Variants in ZNF518B observed in about 807,000 individuals in gnomAD.
The protein encoded by ZNF518B is zinc finger protein 518B.
Under a neutral mutation model 56.3 loss-of-function variants are expected in ZNF518B, and 23 were observed. The observed-to-expected ratio is 0.41, with a 90% CI of 0.29 to 0.58. ZNF518B has a LOEUF of 0.58. ZNF518B is among the 20% of genes least tolerant of loss of function. ZNF518B has a pLI of 0.32. For synonymous variants in ZNF518B, 529 were observed against 465.9 expected, an observed-to-expected ratio of 1.14 and a Z score of -1.74; for missense variants, 1,460 against 1,272.1, an observed-to-expected ratio of 1.15 and a Z score of -2.25.
chr4:10,443,401 T>C lies in ZNF518B; in HGVS notation c.2928A>G (p.Ser976=), dbSNP rs144958501. ...YKGNVLKVVL[S]ERTRCQLGIR... ...TGCCTAGCTGACACCTAGTCCTCTC[T>C]GATAAAACAACTTTGAGGACATTGC... Residue 976 remains serine (S), a synonymous_variant, in exon 3 of 3, where the codon TCA becomes TCG. Transcript: ENST00000326756. The C allele has an allele frequency of 1.5e-5, 25 of 1,614,142 alleles. No homozygotes were observed. Among genetic ancestry groups the C allele is most frequent in the Non-Finnish European group, 1.9e-5 (23 of 1,180,046 alleles).
At position 10,445,152 on chromosome 4, in the gene ZNF518B, C is replaced by T; in HGVS notation, c.1177G>A (p.Glu393Lys). 6.2e-7 allele frequency: 1 copy of T among 1,614,146 alleles called. No individual in the cohort carries two copies. The highest frequency in any genetic ancestry group is 8.5e-7 in the Non-Finnish European group (1 of 1,179,990). Residue 393 changes from glutamate to lysine, a missense_variant, in exon 3 of 3, where the codon GAA becomes AAA. Physicochemically the swap from Glu to Lys is moderately conservative, Grantham distance 56. Coordinates refer to ENST00000326756, the MANE Select transcript of ZNF518B (RefSeq NM_053042.3). ...ERMVKEKGSN[E>K]QEKVLSAEKT... ...TCTGCAGAAAGTACTTTTTCTTGTT[C>T]ATTTGAACCCTTCTCTTTCACCATA...
rs151218914 is a variant in ZNF518B at position 10,443,363 on chromosome 4, T to A, written c.2966A>T (p.His989Leu). The A allele has an allele frequency of 3.2e-5, 52 of 1,614,280 alleles. No homozygotes were observed. The African/African-American group carries it at 6.4e-4, about 20-fold the overall frequency. Residue 989 changes from histidine (H) to leucine (L), a missense_variant, in exon 3 of 3, where the codon CAT (histidine) becomes CTT (leucine). By Grantham distance (99) the His-to-Leu change is moderately conservative. Transcript: ENST00000326756. ...CGCATTCTGGTAGGTCAGGCGTACA[T>A]GATGCCGTCTGATGCCTAGCTGACA... ...TRCQLGIRRH[H>L]VRLTYQNAEE...
intron 1 of ZNF518B, 191 bp downstream of exon 1, chr4:10,457,126 C>G (rs1433190854): frequency 6.7e-6 from 1 of 148,788 alleles, no homozygotes; most frequent in Non-Finnish European, 1.5e-5. Flanking sequence ...AGCCCGCGTT[C>G]GGCCTACCCG....
Position 10,443,192 on chromosome 4 carries a change from TCATA to T in ZNF518B, c.3133_3136del (p.Tyr1045LysfsTer7). 6.2e-7 allele frequency: 1 copy of T among 1,614,268 alleles called. No homozygotes were observed. Among genetic ancestry groups the T allele is most frequent in the South Asian group, 1.1e-5 (1 of 91,090 alleles). ...ATGACTCATCCACTCTTCCTGGTCT[TCATA>T]CAGTCGCCCACAAAACCAGCACTTA... On this transcript the variant is annotated frameshift_variant, in exon 3 of 3. Coordinates refer to ENST00000326756, the MANE Select transcript of ZNF518B (RefSeq NM_053042.3). LOFTEE classifies it high-confidence loss of function.
chr4:10,445,386 C>T lies in ZNF518B; in HGVS notation c.943G>A (p.Val315Met). ...ACAGGTTCTTTTGCAGGGGATAACA[C>T]TTCTACTTCAACATTTTTGTTCTCA... ...LFENKNVEVEVLSPAKEPVQP... is the reference protein window; with the variant it reads ...LFENKNVEVEMLSPAKEPVQP... Residue 315 changes from valine (V) to methionine (M), a missense_variant, in exon 3 of 3, where the codon GTG (valine) becomes ATG (methionine). By Grantham distance (21) the Val-to-Met change is conservative. Transcript: ENST00000326756. 3 of 1,614,214 alleles carry T rather than the reference C, an allele frequency of 1.9e-6. No individual in the cohort carries two copies. Among genetic ancestry groups the T allele is most frequent in the Non-Finnish European group, 2.5e-6 (3 of 1,180,038 alleles).
intron 2 of ZNF518B, among the ~76,000 whole-genome samples, chr4:10,448,371 G>C (rs1301214423): frequency 6.6e-6 from 1 of 152,130 alleles, no homozygotes; most frequent in African/African-American, 2.4e-5. Flanking sequence ...ACGTCGGGGA[G>C]TTTAAAAAAG....
chr4:10,453,868 A>G (rs1157264797), intron 2 of ZNF518B: 1 of 152,214 alleles, frequency 6.6e-6, no homozygotes, highest in Admixed American at 6.5e-5. Context: ...TTGGCCTGTC[A>G]TGTGCCCGGG....
chr4:10,445,218 A>C lies in ZNF518B; in HGVS notation c.1111T>G (p.Cys371Gly), dbSNP rs1714936366. ...CCATTATCCCTCCCAGCTTCAAGGC[A>C]ATTATTTTCTTCCAGCGGAAACAGT... is the stretch of plus-strand genomic sequence containing the variant. Reference protein sequence around the residue: ...LKLFPLEENNCLEAGRDNGGN... With the variant: ...LKLFPLEENNGLEAGRDNGGN... Residue 371 changes from cysteine (C) to glycine (G), a missense_variant, in exon 3 of 3, where the codon TGC becomes GGC. Physicochemically the swap from Cys to Gly is radical, Grantham distance 159. Coordinates refer to ENST00000326756, the MANE Select transcript of ZNF518B (RefSeq NM_053042.3). 6.2e-7 allele frequency: 1 copy of C among 1,614,180 alleles called. No individual in the cohort carries two copies. The highest frequency in any genetic ancestry group is 1.3e-5 in the African/African-American group (1 of 75,044).
intron 2 of ZNF518B, chr4:10,451,708 T>G (rs1232410552): frequency 6.6e-6 from 1 of 152,202 alleles, no homozygotes; most frequent in African/African-American, 2.4e-5. Flanking sequence ...ATAATTTACC[T>G]CTGTGGCAAA....
chr4:10,449,208 C>G (rs1715198915), intron 2 of ZNF518B, among the ~76,000 whole-genome samples: 1 of 152,158 alleles, frequency 6.6e-6, no homozygotes. Flanking sequence ...CTTGGAAAAG[C>G]CTCAGAATCA....
chr4:10,445,398 C>T lies in ZNF518B; in HGVS notation c.931G>A (p.Val311Ile). The change falls in exon 3 of 3, where the codon GTT becomes ATT. Residue 311 changes from valine to isoleucine, a missense_variant. Transcript: ENST00000326756. ...NEVNLFENKN[V>I]EVEVLSPAKE... ...GCAGGGGATAACACTTCTACTTCAA[C>T]ATTTTTGTTCTCAAATAGGTTGACT... 1 of 1,614,192 alleles carries T rather than the reference C, an allele frequency of 6.2e-7. No homozygotes were observed. The highest frequency in any genetic ancestry group is 8.5e-7 in the Non-Finnish European group (1 of 1,180,028).
chr4:10,445,230 CCAGCGGAAA>C lies in ZNF518B; in HGVS notation c.1090_1098del (p.Phe364_Leu366del). On this transcript the variant is annotated inframe_deletion, in exon 3 of 3. Transcript: ENST00000326756. Reference sequence around the variant, plus strand: ...CCAGCTTCAAGGCAATTATTTTCTTCCAGCGGAAACAGTTTCAGAACAAGCTGCTGTGTA... The same window carrying C: ...CCAGCTTCAAGGCAATTATTTTCTTCCAGTTTCAGAACAAGCTGCTGTGTA... The C allele has an allele frequency of 6.2e-7, 1 of 1,614,184 alleles. No homozygotes were observed. The highest frequency in any genetic ancestry group is 8.5e-7 in the Non-Finnish European group (1 of 1,180,030).
intron 2 of ZNF518B, among the ~76,000 whole-genome samples, chr4:10,447,270 C>T (rs1236026357): frequency 6.6e-6 from 1 of 152,124 alleles, no homozygotes; most frequent in Non-Finnish European, 1.5e-5. Context: ...GCAAGGCCAA[C>T]AGGACAGGGA....
rs201228703 is a variant in ZNF518B at position 10,443,908 on chromosome 4, T to C, written c.2421A>G (p.Leu807=). The C allele has an allele frequency of 1.6e-5, 26 of 1,614,116 alleles. No individual in the cohort carries two copies. The highest frequency in any genetic ancestry group is 2.1e-5 in the Non-Finnish European group (25 of 1,180,042). Residue 807 remains leucine (L), a synonymous_variant, in exon 3 of 3, where the codon TTA becomes TTG. Transcript: ENST00000326756. ...CAGGGCAAAATGGAACTGGTTTTATTAACTGTCTTTCACTGCAAGGTATGC... is the reference window on the plus strand; with the variant it reads ...CAGGGCAAAATGGAACTGGTTTTATCAACTGTCTTTCACTGCAAGGTATGC... ...PVSIPCSERQ[L]IKPVPFCPVR...
chr4:10,446,561 A>C, intron 2 of ZNF518B, 22 bp from the exon 3 acceptor site: 1 of 465,720 alleles, frequency 2.1e-6, no homozygotes, highest in Admixed American at 3.6e-5. Flanking sequence ...CAAAATTATA[A>C]AGCATGATTA....
At position 10,444,663 on chromosome 4, in the gene ZNF518B, T is replaced by C. The variant is rs1369517334; in HGVS notation, c.1666A>G (p.Thr556Ala). The change falls in exon 3 of 3, where the codon ACA (threonine) becomes GCA (alanine). Residue 556 changes from threonine to alanine, a missense_variant. Physicochemically the swap from Thr to Ala is moderately conservative, Grantham distance 58. Transcript: ENST00000326756. ...LPVSENDLES[T>A]SKVNIPVKVV... ...TTTACAGGAATATTGACTTTACTTG[T>C]AGATTCCAAGTCATTTTCACTTACA... is the stretch of plus-strand genomic sequence containing the variant. 1 of 1,614,190 alleles carries C rather than the reference T, an allele frequency of 6.2e-7. No individual in the cohort carries two copies. The highest frequency in any genetic ancestry group is 8.5e-7 in the Non-Finnish European group (1 of 1,180,028).
At chr4:10,449,961 G>T (rs1381184810) in intron 2 of ZNF518B, among the ~76,000 whole-genome samples, 1 of 152,136 alleles carries the variant, frequency 6.6e-6, no homozygotes, top group African/African-American at 2.4e-5. Context: ...TCAAAAGTTG[G>T]GGGCGGGAAG....
intron 1 of ZNF518B, 139 bp downstream of exon 1, chr4:10,457,178 G>C (rs1236229921): frequency 3.4e-5 from 5 of 149,030 alleles, no homozygotes; most frequent in African/African-American, 1.2e-4. Context: ...CGGGCACGCG[G>C]GGCCGCGGCC....
At chr4:10,453,047 A>G (rs1461793790) in intron 2 of ZNF518B, 1 of 152,236 alleles carries the variant, frequency 6.6e-6, no homozygotes, top group Non-Finnish European at 1.5e-5. Context: ...AACAAGGTTC[A>G]AAACCTAGGT....
Sources: gnomAD v4.1 joint callset for allele counts (sites outside exome capture counted in the v4.1 genomes callset) on GRCh38, gnomAD v4.1.1 for gene constraint, MANE v1.5 for transcripts, NCBI Gene and HGNC (gene_info 2026-07-23, HGNC 2026-07-21) for gene names.